ZNHIT6: variants seen among roughly 807,000 people sequenced by gnomAD.
The protein encoded by ZNHIT6 is zinc finger HIT-type containing 6, also known as box C/D snoRNA protein 1.
A neutral mutation model predicts 57.2 loss-of-function variants in ZNHIT6; 45 were observed. That is an observed-to-expected ratio of 0.79 (90% CI 0.62 to 1.01). ZNHIT6 has a LOEUF of 1.01. ZNHIT6 is among the 50% of genes least tolerant of loss of function. The pLI is 0.00. For synonymous variants in ZNHIT6, 188 were observed against 190.0 expected (o/e 0.99, Z 0.09); for missense variants, 528 against 567.3 (o/e 0.93, Z 0.70).
At chr1:85,698,923 T>C (rs1457983952) in intron 5 of ZNHIT6, among the ~76,000 whole-genome samples, 1 of 152,120 alleles carries the variant, frequency 6.6e-6, no homozygotes, top group Non-Finnish European at 1.5e-5. Context: ...AAATTTTCAT[T>C]GTCACTGTAT....
In ZNHIT6 at chr1:85,708,263, C is replaced by G; in HGVS notation, c.22G>C (p.Glu8Gln). 6.2e-7 allele frequency: 1 copy of G among 1,601,892 alleles called. No individual in the cohort carries two copies. Among genetic ancestry groups the G allele is most frequent in the South Asian group, 1.1e-5 (1 of 90,796 alleles). ...TGGAGACCTCCCCCAGACTTCCCTT[C>G]ATTTTCAGCAGCAAACTCCATCAAC... MEFAAEN[E>Q]GKSGGGLHSV... Residue 8 changes from glutamate (E) to glutamine (Q), a missense_variant, in exon 1 of 10, where the codon GAA (glutamate) becomes CAA (glutamine). Transcript: ENST00000370574.
At chr1:85,693,887 G>T (rs998982836) in intron 5 of ZNHIT6, among the ~76,000 whole-genome samples, 1 of 152,224 alleles carries the variant, frequency 6.6e-6, no homozygotes, top group African/African-American at 2.4e-5. Flanking sequence ...GGGAAGCCGA[G>T]GTGGGAGGAC....
intron 5 of ZNHIT6, among the ~76,000 whole-genome samples, chr1:85,694,493 G>A (rs1257378619): frequency 3.4e-5 from 5 of 149,216 alleles, no homozygotes; most frequent in Admixed American, 1.3e-4. Context: ...ACGGAGTCTC[G>A]CTCTGTCACC....
intron 8 of ZNHIT6, among the ~76,000 whole-genome samples, chr1:85,672,492 A>G (rs1661585078): frequency 1.3e-5 from 2 of 152,160 alleles, no homozygotes; most frequent in African/African-American, 4.8e-5. Flanking sequence ...GCACTTCTTA[A>G]GGCCCTCTGT....
At chr1:85,669,370 A>AT (rs1661487948) in intron 8 of ZNHIT6, among the ~76,000 whole-genome samples, 1 of 152,228 alleles carries the variant, frequency 6.6e-6, no homozygotes. Flanking sequence ...TTAAAGATCC[A>AT]TAAAGTTCCA....
chr1:85,707,779 C>CCAA lies in ZNHIT6; in HGVS notation c.503_505dup (p.Val168dup), dbSNP rs1291342137. On this transcript the variant is annotated inframe_insertion, in exon 1 of 10. Coordinates refer to ENST00000370574, the MANE Select transcript of ZNHIT6 (RefSeq NM_017953.4). The stretch of plus-strand genomic sequence containing the variant: ...CATCAATTCCTCTTTTATGCATTGA[C>CCAA]CAACAAACTTCTCCTCCTGTTTTAT... 6.2e-7 allele frequency: 1 copy of CCAA among 1,614,024 alleles called. No homozygotes were observed. The highest frequency in any genetic ancestry group is 8.5e-7 in the Non-Finnish European group (1 of 1,180,032).
At chr1:85,695,510 G>C (rs1310812385) in intron 5 of ZNHIT6, among the ~76,000 whole-genome samples, 1 of 152,120 alleles carries the variant, frequency 6.6e-6, no homozygotes, top group Non-Finnish European at 1.5e-5. Flanking sequence ...ATCAGAGCTG[G>C]CATTTGAAGC....
intron 8 of ZNHIT6, among the ~76,000 whole-genome samples, chr1:85,672,955 G>A (rs1159369593): frequency 6.6e-6 from 1 of 152,174 alleles, no homozygotes; most frequent in Non-Finnish European, 1.5e-5. Context: ...AATAGACAAA[G>A]TTGGTTGTTT....
chr1:85,696,469 A>G (rs1662373429), intron 5 of ZNHIT6, among the ~76,000 whole-genome samples: 1 of 152,066 alleles, frequency 6.6e-6, no homozygotes, highest in African/African-American at 2.4e-5. Context: ...TGAAGGTGCC[A>G]TCATTTACTT....
At chr1:85,674,246 C>T (rs1002647393) in intron 8 of ZNHIT6, among the ~76,000 whole-genome samples, 3 of 152,142 alleles carry the variant, frequency 2.0e-5, no homozygotes, top group African/African-American at 7.2e-5. Context: ...GCTTTCTCCA[C>T]AGATAAGGTA....
intron 7 of ZNHIT6, among the ~76,000 whole-genome samples, chr1:85,678,324 A>T (rs907083588): frequency 1.3e-5 from 2 of 152,182 alleles, no homozygotes; most frequent in Non-Finnish European, 2.9e-5. Flanking sequence ...TTAAGGGTTA[A>T]GAGTAAAGAC....
chr1:85,655,463 A>C (rs1297958643), intron 9 of ZNHIT6, among the ~76,000 whole-genome samples: 3 of 152,192 alleles, frequency 2.0e-5, no homozygotes, highest in African/African-American at 7.2e-5. Context: ...CTAAAGGCTG[A>C]GGCATTTTCT....
At chr1:85,655,056 T>G (rs1366418884) in intron 9 of ZNHIT6, among the ~76,000 whole-genome samples, 2 of 152,144 alleles carry the variant, frequency 1.3e-5, no homozygotes, top group Non-Finnish European at 2.9e-5. Context: ...ACAATGGTGT[T>G]TACTGAGCCC....
chr1:85,678,640 C>A, intron 7 of ZNHIT6, 61 bp downstream of exon 7: 1 of 1,113,282 alleles, frequency 9.0e-7, no homozygotes, highest in East Asian at 2.5e-5. Flanking sequence ...CATGGATGAC[C>A]CTAATAAGTA....
chr1:85,680,973 T>A, intron 5 of ZNHIT6, 69 bp from the exon 6 acceptor site: 1 of 1,191,288 alleles, frequency 8.4e-7, no homozygotes, highest in South Asian at 1.4e-5. Flanking sequence ...TTGAACTTTC[T>A]AAATTTTCAC....
chr1:85,656,158 A>G (rs1570279130), intron 9 of ZNHIT6, among the ~76,000 whole-genome samples: 1 of 152,224 alleles, frequency 6.6e-6, no homozygotes, highest in African/African-American at 2.4e-5. Context: ...GACACCTTGA[A>G]GTACTTACAG....
At chr1:85,689,743 G>A (rs72946666) in intron 5 of ZNHIT6, among the ~76,000 whole-genome samples, 1,580 of 152,248 alleles carry the variant, frequency 0.01, 23 homozygotes, top group African/African-American at 0.036. Flanking sequence ...GGGACAGTTG[G>A]AAATGGCTGG....
At chr1:85,679,567 T>TG (rs200711031) in intron 6 of ZNHIT6, among the ~76,000 whole-genome samples, 5 of 150,700 alleles carry the variant, frequency 3.3e-5, no homozygotes, top group Admixed American at 2.6e-4. Context: ...TAAAATGTTT[T>TG]TTTTTTTTTT....
intron 5 of ZNHIT6, among the ~76,000 whole-genome samples, chr1:85,690,242 T>G (rs1411797667): frequency 6.6e-6 from 1 of 152,150 alleles, no homozygotes; most frequent in Non-Finnish European, 1.5e-5. Flanking sequence ...TGACTCTACC[T>G]AAACTCCCTG....
Sources: gnomAD v4.1 joint callset for allele counts (sites outside exome capture counted in the v4.1 genomes callset) on GRCh38, gnomAD v4.1.1 for gene constraint, MANE v1.5 for transcripts, NCBI Gene and HGNC (gene_info 2026-07-23, HGNC 2026-07-21) for gene names.